R3HDM1: variants seen among roughly 807,000 people sequenced by gnomAD.
The protein encoded by R3HDM1 is R3H domain-containing protein 1.
Under a neutral mutation model 141.1 loss-of-function variants are expected in R3HDM1, and 46 were observed. That is an observed-to-expected ratio of 0.33 (90% confidence interval 0.26 to 0.42). The LOEUF is 0.42. Among genes scored for constraint, R3HDM1 ranks in the 10% least tolerant of loss-of-function variants. The probability of loss-of-function intolerance (pLI) is 1.00; values close to 1 mark genes in which losing one functional copy is unlikely to be tolerated. For missense variants in R3HDM1, 1,184 were observed against 1,368.3 expected, an observed-to-expected ratio of 0.87 and a Z score of 2.12; for synonymous variants, 435 against 472.9, an observed-to-expected ratio of 0.92 and a Z score of 1.04.
chr2:135,718,850 T>C (rs2076415519), intron 24 of R3HDM1, among the ~76,000 whole-genome samples: 1 of 152,212 alleles, frequency 6.6e-6, no homozygotes, highest in East Asian at 1.9e-4. Context: ...AAATTCCTTA[T>C]TAAATTTAGA....
chr2:135,607,875 C>T, intron 3 of R3HDM1: 2 of 983,362 alleles, frequency 2.0e-6, no homozygotes, highest in Non-Finnish European at 2.4e-6. Context: ...CCATAGTAAA[C>T]AAACATGGGT....
At chr2:135,630,846 A>G (rs943963144) in intron 7 of R3HDM1, among the ~76,000 whole-genome samples, 17 of 152,142 alleles carry the variant, frequency 1.1e-4, no homozygotes, top group South Asian at 4.2e-4. Flanking sequence ...TCCAATTAGC[A>G]CAGGAAAATT....
intron 21 of R3HDM1, among the ~76,000 whole-genome samples, chr2:135,699,105 T>TAGATA (rs1332113353): frequency 0.046 from 3,344 of 73,412 alleles, 146 homozygotes; most frequent in African/African-American, 0.11. Context: ...ATAGATAGAT[T>TAGATA]AGATATTCCA....
chr2:135,667,077 CTG>C (rs1396457438), intron 19 of R3HDM1: 2 of 892,740 alleles, frequency 2.2e-6, no homozygotes, highest in Non-Finnish European at 2.7e-6. Context: ...CTGATTATTT[CTG>C]TGTTATTAAG....
chr2:135,611,207 A>G (rs1313381361), intron 3 of R3HDM1, among the ~76,000 whole-genome samples: 1 of 151,864 alleles, frequency 6.6e-6, no homozygotes, highest in Non-Finnish European at 1.5e-5. Context: ...AGAATGCTTG[A>G]GTCCAGGAGT....
At chr2:135,710,711 G>A (rs551734515) in intron 23 of R3HDM1, among the ~76,000 whole-genome samples, 4 of 152,064 alleles carry the variant, frequency 2.6e-5, no homozygotes, top group African/African-American at 7.2e-5. Flanking sequence ...TAACTTCTGC[G>A]TATTCAAAAA....
At chr2:135,583,249 T>G (rs1707201361) in intron 1 of R3HDM1, among the ~76,000 whole-genome samples, 1 of 152,234 alleles carries the variant, frequency 6.6e-6, no homozygotes, top group South Asian at 2.1e-4. Context: ...ACTGATTTTT[T>G]TTTCAGCATT....
chr2:135,586,019 T>C (rs1707830136), intron 1 of R3HDM1, among the ~76,000 whole-genome samples: 1 of 152,156 alleles, frequency 6.6e-6, no homozygotes, highest in Non-Finnish European at 1.5e-5. Flanking sequence ...AATTTAAAAA[T>C]GATATATTAA....
chr2:135,547,774 T>C (rs1699029283), intron 1 of R3HDM1, among the ~76,000 whole-genome samples: 1 of 144,994 alleles, frequency 6.9e-6, no homozygotes, highest in South Asian at 2.2e-4. Context: ...TTTCTTTTTT[T>C]TTTTTTTTTT....
chr2:135,635,487 A>G (rs1349006775), intron 9 of R3HDM1, among the ~76,000 whole-genome samples: 1 of 152,236 alleles, frequency 6.6e-6, no homozygotes, highest in Non-Finnish European at 1.5e-5. Context: ...TTACTGTTTT[A>G]TGTGTTACTG....
chr2:135,537,743 G>A (rs1008554240), intron 1 of R3HDM1, among the ~76,000 whole-genome samples: 2 of 151,100 alleles, frequency 1.3e-5, no homozygotes, highest in South Asian at 2.1e-4. Context: ...TGCAACCTCC[G>A]CCTTCTGAGC....
At chr2:135,544,781 C>T (rs1412153539) in intron 1 of R3HDM1, among the ~76,000 whole-genome samples, 3 of 151,968 alleles carry the variant, frequency 2.0e-5, no homozygotes, top group East Asian at 3.9e-4. Flanking sequence ...GGCAACCTGG[C>T]GAAACCCTCA....
intron 1 of R3HDM1, among the ~76,000 whole-genome samples, chr2:135,600,103 ATTTTTTTT>A (rs1047714227): frequency 3.2e-5 from 3 of 93,474 alleles, no homozygotes; most frequent in South Asian, 4.5e-4. Context: ...AGTTCGTATG[ATTTTTTTT>A]TTTTTTTTTT....
chr2:135,613,801 G>C (rs1317694947), intron 3 of R3HDM1, among the ~76,000 whole-genome samples: 4 of 152,198 alleles, frequency 2.6e-5, no homozygotes, highest in African/African-American at 9.6e-5. Context: ...GGGCGACAGA[G>C]TGAGACTCAG....
At chr2:135,652,862 T>G (rs1465370344) in intron 18 of R3HDM1, among the ~76,000 whole-genome samples, 1 of 152,198 alleles carries the variant, frequency 6.6e-6, no homozygotes, top group African/African-American at 2.4e-5. Context: ...TTGGACTAAA[T>G]TTCATACTTT....
intron 5 of R3HDM1, among the ~76,000 whole-genome samples, chr2:135,617,427 T>G (rs1410376110): frequency 6.6e-6 from 1 of 152,184 alleles, no homozygotes; most frequent in Non-Finnish European, 1.5e-5. Flanking sequence ...TCTCAGATAC[T>G]TAATGCTTGT....
intron 23 of R3HDM1, among the ~76,000 whole-genome samples, chr2:135,712,774 A>T (rs2075792188): frequency 6.6e-6 from 1 of 151,846 alleles, no homozygotes; most frequent in African/African-American, 2.4e-5. Context: ...ACAAAAAATT[A>T]GCTGGGCGTG....
chr2:135,669,146 A>C (rs1385655550), intron 19 of R3HDM1: 19 of 984,364 alleles, frequency 1.9e-5, no homozygotes, highest in Non-Finnish European at 2.3e-5. Context: ...TAATCTAATT[A>C]TAGTAAGGCA....
chr2:135,697,420 T>TA (rs1360719719), intron 21 of R3HDM1, among the ~76,000 whole-genome samples: 2 of 152,274 alleles, frequency 1.3e-5, no homozygotes, highest in African/African-American at 2.4e-5. Context: ...GCATCTGCCT[T>TA]AAAAAAACCT....
Sources: gnomAD v4.1 joint callset for allele counts (sites outside exome capture counted in the v4.1 genomes callset) on GRCh38, gnomAD v4.1.1 for gene constraint, MANE v1.5 for transcripts, NCBI Gene and HGNC (gene_info 2026-07-23, HGNC 2026-07-21) for gene names.